HEMK2: variants seen among roughly 807,000 people sequenced by gnomAD.
HEMK2 encodes the protein methyltransferase HEMK2.
chr21:28,617,781 C>T, the HEMK2 span, among the ~76,000 whole-genome samples: 2 of 123,358 alleles, frequency 1.6e-5, no homozygotes, highest in Non-Finnish European at 3.3e-5. Context: ...ACTTGGTATT[C>T]TTGACTGCCT....
the HEMK2 span, among the ~76,000 whole-genome samples, chr21:28,701,507 C>T: frequency 6.6e-6 from 1 of 150,910 alleles, no homozygotes; most frequent in Non-Finnish European, 1.5e-5. Context: ...AACATATAAG[C>T]TGAGATTCAA....
At chr21:28,723,091 C>A in the HEMK2 span, among the ~76,000 whole-genome samples, 1,672 of 152,218 alleles carry the variant, frequency 0.011, 25 homozygotes, top group African/African-American at 0.038. Flanking sequence ...CTCACTGCAG[C>A]CTCCAACTCC....
the HEMK2 span, among the ~76,000 whole-genome samples, chr21:28,781,845 G>A: frequency 3.9e-5 from 6 of 152,298 alleles, no homozygotes; most frequent in South Asian, 2.1e-4. Flanking sequence ...CAGACATAAT[G>A]GAATTATTTG....
the HEMK2 span, among the ~76,000 whole-genome samples, chr21:28,836,765 C>CAGTCCT: frequency 3.3e-5 from 5 of 151,580 alleles, no homozygotes; most frequent in Non-Finnish European, 7.4e-5. Flanking sequence ...CTTCAGGGGA[C>CAGTCCT]TCAGCTAACA....
chr21:28,864,910 TG>T, the HEMK2 span, among the ~76,000 whole-genome samples: 12 of 22,720 alleles, frequency 5.3e-4, no homozygotes, highest in African/African-American at 1.1e-3. Flanking sequence ...TATAGATAGA[TG>T]ATATAGATAG....
At chr21:28,773,159 A>T in the HEMK2 span, among the ~76,000 whole-genome samples, 1 of 152,162 alleles carries the variant, frequency 6.6e-6, no homozygotes, top group Non-Finnish European at 1.5e-5. Flanking sequence ...GATATGAACA[A>T]AACATTTTCT....
chr21:28,631,095 G>C, the HEMK2 span, among the ~76,000 whole-genome samples: 1 of 152,096 alleles, frequency 6.6e-6, no homozygotes, highest in African/African-American at 2.4e-5. Context: ...GGGTGCAGAG[G>C]AAAATTTAGA....
At chr21:28,713,763 A>G in the HEMK2 span, among the ~76,000 whole-genome samples, 1 of 152,182 alleles carries the variant, frequency 6.6e-6, no homozygotes, top group South Asian at 2.1e-4. Context: ...CTCCGTCTTT[A>G]GACCATGAAC....
chr21:28,583,019 T>C, the HEMK2 span, among the ~76,000 whole-genome samples: 1 of 152,224 alleles, frequency 6.6e-6, no homozygotes, highest in Non-Finnish European at 1.5e-5. Flanking sequence ...GTACTATCAA[T>C]GCTGTTGATG....
At chr21:28,870,776 AT>A in the HEMK2 span, among the ~76,000 whole-genome samples, 1 of 152,168 alleles carries the variant, frequency 6.6e-6, no homozygotes, top group Non-Finnish European at 1.5e-5. Flanking sequence ...TTAAAATTTT[AT>A]TTTTGTTATT....
the HEMK2 span, among the ~76,000 whole-genome samples, chr21:28,838,972 AATATATATATAT>A: frequency 3.8e-4 from 11 of 29,154 alleles, no homozygotes; most frequent in South Asian, 5.9e-3. Context: ...AAAAAAAAAA[AATATATATATAT>A]ATATATATAT....
At chr21:28,848,687 T>C in the HEMK2 span, among the ~76,000 whole-genome samples, 1 of 152,218 alleles carries the variant, frequency 6.6e-6, no homozygotes, top group Non-Finnish European at 1.5e-5. Flanking sequence ...AAAACTATAG[T>C]TTTCCTTTAA....
the HEMK2 span, among the ~76,000 whole-genome samples, chr21:28,826,287 C>G: frequency 6.6e-6 from 1 of 152,180 alleles, no homozygotes; most frequent in Non-Finnish European, 1.5e-5. Context: ...AACTAAAACC[C>G]ATCTGTAAAT....
chr21:28,703,966 T>C, the HEMK2 span, among the ~76,000 whole-genome samples: 2 of 152,328 alleles, frequency 1.3e-5, no homozygotes, highest in East Asian at 3.9e-4. Context: ...TGAAGCTTAC[T>C]TGACTATGGT....
the HEMK2 span, among the ~76,000 whole-genome samples, chr21:28,578,901 G>T: frequency 6.6e-6 from 1 of 152,076 alleles, no homozygotes; most frequent in Admixed American, 6.6e-5. Context: ...TTCCAGAATG[G>T]CACCTAAAAA....
chr21:28,613,096 A>AT, the HEMK2 span, among the ~76,000 whole-genome samples: 10 of 150,252 alleles, frequency 6.7e-5, no homozygotes, highest in African/African-American at 2.5e-4. Flanking sequence ...AGATAGATAG[A>AT]AAGATAGATA....
chr21:28,834,768 C>T, the HEMK2 span, among the ~76,000 whole-genome samples: 1 of 152,118 alleles, frequency 6.6e-6, no homozygotes, highest in Non-Finnish European at 1.5e-5. Flanking sequence ...ACCCATATTG[C>T]TCTCCACCTG....
At chr21:28,836,025 G>A in the HEMK2 span, among the ~76,000 whole-genome samples, 1 of 152,124 alleles carries the variant, frequency 6.6e-6, no homozygotes, top group African/African-American at 2.4e-5. Flanking sequence ...CAGTGTTCTT[G>A]AGAAAAAAGA....
the HEMK2 span, among the ~76,000 whole-genome samples, chr21:28,679,962 T>C: frequency 5.3e-5 from 8 of 151,954 alleles, no homozygotes; most frequent in African/African-American, 1.9e-4. Flanking sequence ...AGATCTAAAA[T>C]TGACACCCTA....
Sources: allele counts gnomAD v4.1 joint callset (sites outside exome capture counted in the v4.1 genomes callset), GRCh38; gene constraint gnomAD v4.1.1; transcripts MANE v1.5; gene names NCBI Gene and HGNC (gene_info 2026-07-23, HGNC 2026-07-21).